The following TRAF5 variants were observed in gnomAD, a reference collection of about 807,000 sequenced individuals.
TRAF5 encodes the protein TNF receptor-associated factor 5.
Under a neutral mutation model 64.5 loss-of-function variants are expected in TRAF5, and 48 were observed. The ratio of observed to expected loss-of-function variants is 0.74; its 90% confidence interval spans 0.59 to 0.95. TRAF5 has a LOEUF of 0.95. TRAF5 is among the 40% of genes least tolerant of loss of function. TRAF5 has a pLI of 0.00. For synonymous variants in TRAF5, 206 were observed against 240.5 expected (o/e 0.86, Z 1.33); for missense variants, 545 against 662.8 (o/e 0.82, Z 1.95).
intron 1 of TRAF5, among the ~76,000 whole-genome samples, chr1:211,332,415 C>T (rs542307379): frequency 2.6e-5 from 4 of 152,262 alleles, no homozygotes; most frequent in Middle Eastern, 3.4e-3. Flanking sequence ...TGGCTTAGAA[C>T]AGCCAGGCTG....
In TRAF5 at chr1:211,353,291, AAT is replaced by A; in HGVS notation, c.53_54del (p.Asn18IlefsTer10). ...TATGCCCTGTGGTTTCATCCGCCAG[AAT>A]TCCGGCAACTCCATTTCCTTGGACT... Reference protein sequence around the residue: ...KGMPCGFIRQNSGNSISLDFE... With the variant: ...KGMPCGFIRQXSGNSISLDFE... On this transcript the variant is annotated frameshift_variant, in exon 2 of 11. Transcript: ENST00000261464. LOFTEE classifies it high-confidence loss of function. 1 of 1,614,230 alleles carries A rather than the reference AAT, an allele frequency of 6.2e-7. No homozygotes were observed. The highest frequency in any genetic ancestry group is 8.5e-7 in the Non-Finnish European group (1 of 1,180,042).
At position 211,365,371 on chromosome 1, in the gene TRAF5, T is replaced by C; in HGVS notation, c.697-5T>C. Reference sequence around the variant, plus strand: ...ACCTGACTTATTTTTCTCTTCATATTGAAGGATAAACGGAGGAACCTGCAG... The same window carrying C: ...ACCTGACTTATTTTTCTCTTCATATCGAAGGATAAACGGAGGAACCTGCAG... On this transcript the variant is annotated splice_region_variant and splice_polypyrimidine_tract_variant and intron_variant, in intron 7 of 10. Transcript: ENST00000261464. 1 of 1,612,176 alleles carries C rather than the reference T, an allele frequency of 6.2e-7. No homozygotes were observed. The highest frequency in any genetic ancestry group is 1.1e-5 in the South Asian group (1 of 90,636).
chr1:211,361,692 G>GTTTTTTTTTTTTTTTTTTTTTTT (rs71134676), intron 7 of TRAF5, among the ~76,000 whole-genome samples: 1 of 75,318 alleles, frequency 1.3e-5, no homozygotes. Flanking sequence ...AATTATTCGG[G>GTTTTTTTTTTTTTTTTTTTTTTT]TTTTTTTTTT....
At chr1:211,328,500 G>A (rs1307242896) in intron 1 of TRAF5, among the ~76,000 whole-genome samples, 1 of 152,142 alleles carries the variant, frequency 6.6e-6, no homozygotes, top group Non-Finnish European at 1.5e-5. Flanking sequence ...GTAGGATGGT[G>A]GTATTTCCCT....
At chr1:211,336,969 T>C (rs1702314208) in intron 1 of TRAF5, among the ~76,000 whole-genome samples, 1 of 152,236 alleles carries the variant, frequency 6.6e-6, no homozygotes, top group East Asian at 1.9e-4. Context: ...AGACCTCAAC[T>C]GATCCGCTCG....
In TRAF5 at chr1:211,328,862, G is replaced by C. The variant is rs1212270134; in HGVS notation, c.-2+1973G>C. 2.0e-5 allele frequency among the ~76,000 whole-genome samples: 3 copies of C among 152,178 alleles called. No homozygotes were observed. In the South Asian group the frequency reaches 6.2e-4, roughly 31 times the overall value. On this transcript the variant is annotated intron_variant, in intron 1 of 10. Coordinates refer to ENST00000261464, the MANE Select transcript of TRAF5 (RefSeq NM_001033910.3). The stretch of plus-strand genomic sequence containing the variant: ...ATGACGCCCTCATGAGTTAGAGCAG[G>C]CTTATTCTCTACATCTCTCAGATTG...
chr1:211,334,171 G>C (rs2102711834), intron 1 of TRAF5, among the ~76,000 whole-genome samples: 1 of 152,356 alleles, frequency 6.6e-6, no homozygotes, highest in African/African-American at 2.4e-5. Context: ...GCAAAGGACT[G>C]CCGAGGGGGA....
At chr1:211,359,770 A>G in intron 4 of TRAF5, 142 bp from the exon 5 acceptor site, 1 of 863,464 alleles carries the variant, frequency 1.2e-6, no homozygotes, top group Non-Finnish European at 1.8e-6. Flanking sequence ...ATCCCCTGAG[A>G]GCCTACCCTC....
chr1:211,349,241 G>T (rs180850070), intron 1 of TRAF5, among the ~76,000 whole-genome samples: 1 of 152,194 alleles, frequency 6.6e-6, no homozygotes, highest in East Asian at 1.9e-4. Context: ...TGTTATCTTA[G>T]TCTGTTTGTG....
intron 1 of TRAF5, among the ~76,000 whole-genome samples, chr1:211,349,814 C>T (rs1702727809): frequency 6.6e-6 from 1 of 152,174 alleles, no homozygotes; most frequent in Non-Finnish European, 1.5e-5. Context: ...CTTTAGGATA[C>T]ATCTCTGAGA....
At chr1:211,369,972 C>A (rs1440723487) in intron 9 of TRAF5, among the ~76,000 whole-genome samples, 2 of 152,144 alleles carry the variant, frequency 1.3e-5, no homozygotes, top group Non-Finnish European at 2.9e-5. Flanking sequence ...TACACAACCC[C>A]AGTACGTTTA....
chr1:211,345,228 G>C (rs778256201), intron 1 of TRAF5, among the ~76,000 whole-genome samples: 4 of 152,040 alleles, frequency 2.6e-5, no homozygotes, highest in Non-Finnish European at 5.9e-5. Flanking sequence ...ACTAATTTTT[G>C]TATTTTTTGT....
In TRAF5 at chr1:211,369,611, G is replaced by A. The variant is rs377289130; in HGVS notation, c.930+19G>A. ...CATCCAGGTAAGAAATGGCCTTTGC[G>A]TTGAAAGCCAAGATTTGGCTTTCAA... On this transcript the variant is annotated intron_variant, in intron 9 of 10. Transcript: ENST00000261464. 3.2e-5 allele frequency: 49 copies of A among 1,550,370 alleles called. 1 individual carries two copies. Among genetic ancestry groups the A allele is most frequent in the South Asian group, 7.5e-5 (6 of 80,440 alleles).
chr1:211,372,739 C>A lies in TRAF5; in HGVS notation c.*37C>A. 1 of 1,570,464 alleles carries A rather than the reference C, an allele frequency of 6.4e-7. No individual in the cohort carries two copies. Among genetic ancestry groups the A allele is most frequent in the South Asian group, 1.1e-5 (1 of 88,486 alleles). On this transcript the variant is annotated 3_prime_UTR_variant, in exon 11 of 11. Coordinates refer to ENST00000261464, the MANE Select transcript of TRAF5 (RefSeq NM_001033910.3). ...GGGTGATAAGAGGACTTCTTGGGGC[C>A]AGAACTGTGGAGGAGAGCACATTTG...
At chr1:211,352,645 ATTAGTCTGT>A (rs1487187611) in intron 1 of TRAF5, among the ~76,000 whole-genome samples, 1 of 151,866 alleles carries the variant, frequency 6.6e-6, no homozygotes, top group Non-Finnish European at 1.5e-5. Flanking sequence ...GAAAAAAAGT[ATTAGTCTGT>A]TTGTGCTGAC....
At chr1:211,356,286 C>T (rs901074740) in intron 3 of TRAF5, 81 bp from the exon 4 acceptor site, 2 of 1,221,628 alleles carry the variant, frequency 1.6e-6, no homozygotes, top group South Asian at 1.3e-5. Context: ...GAGATACACT[C>T]GAAGACCAAA....
At chr1:211,355,515 G>A (rs1268055377) in intron 3 of TRAF5, among the ~76,000 whole-genome samples, 1 of 152,042 alleles carries the variant, frequency 6.6e-6, no homozygotes, top group African/African-American at 2.4e-5. Context: ...TGAGCCTCTA[G>A]TCTGCTGTAC....
At chr1:211,338,377 C>T (rs947205051) in intron 1 of TRAF5, among the ~76,000 whole-genome samples, 3 of 152,148 alleles carry the variant, frequency 2.0e-5, no homozygotes, top group Non-Finnish European at 2.9e-5. Context: ...CATATGCATA[C>T]GCATATCCCT....
rs1416466292 is a variant in TRAF5, at chr1:211,361,165, A to G, written c.696+3A>G. 6 of 1,613,994 alleles carry G rather than the reference A, an allele frequency of 3.7e-6. No homozygotes were observed. Among genetic ancestry groups the G allele is most frequent in the South Asian group, 1.1e-5 (1 of 91,078 alleles). On this transcript the variant is annotated splice_donor_region_variant and intron_variant, in intron 7 of 10. Transcript: ENST00000261464. The stretch of plus-strand genomic sequence containing the variant: ...AGCACTATGGCTGTGCTGTAACGGT[A>G]TGGAATGACTTTTTGTTTCTGCCTA...
Sources: gnomAD v4.1 joint callset for allele counts (sites outside exome capture counted in the v4.1 genomes callset) on GRCh38, gnomAD v4.1.1 for gene constraint, MANE v1.5 for transcripts, NCBI Gene and HGNC (gene_info 2026-07-23, HGNC 2026-07-21) for gene names.